The following MYCL variants were observed in gnomAD, a reference collection of about 807,000 sequenced individuals.
MYCL encodes the protein MYCL proto-oncogene, bHLH transcription factor.
MYCL carries 11 observed loss-of-function variants against 31.0 expected under a neutral mutation model. The ratio of observed to expected loss-of-function variants is 0.35; its 90% CI spans 0.22 to 0.59. MYCL has a LOEUF of 0.59. Among genes scored for constraint, MYCL ranks in the 20% least tolerant of loss-of-function variants. MYCL has a pLI of 0.79. For synonymous variants in MYCL, 208 were observed against 202.4 expected (o/e 1.03, Z -0.23); for missense variants, 427 against 486.1 (o/e 0.88, Z 1.14).
At chr1:39,898,018 ACAAAC>A in intron 1 of MYCL, 48 bp from the exon 2 acceptor site, 2 of 1,577,276 alleles carry the variant, frequency 1.3e-6, no homozygotes, top group Non-Finnish European at 1.7e-6. Flanking sequence ...CATGAGAAAC[ACAAAC>A]ATAGACCCTA....
At chr1:39,900,770 A>AC in intron 1 of MYCL, 169 bp downstream of exon 1, 4 of 1,427,896 alleles carry the variant, frequency 2.8e-6, no homozygotes, top group Non-Finnish European at 3.7e-6. Context: ...TTACCAACAC[A>AC]CCCACGTGCC....
chr1:39,900,507 G>A (rs1210414031), intron 1 of MYCL: 3 of 1,080,096 alleles, frequency 2.8e-6, no homozygotes, highest in African/African-American at 3.3e-5. Flanking sequence ...TTAAAAGGAC[G>A]AAGGTTTTGG....
At position 39,901,141 on chromosome 1, in the gene MYCL, G is replaced by A. The variant is rs2124720169; in HGVS notation, c.294C>T (p.Gly98=). The A allele has an allele frequency of 6.2e-7, 1 of 1,611,284 alleles. No homozygotes were observed. The highest frequency in any genetic ancestry group is 8.5e-7 in the Non-Finnish European group (1 of 1,178,940). The change falls in exon 1 of 2, where the codon GGC becomes GGT. Residue 98 remains glycine, a synonymous_variant. Coordinates refer to ENST00000372816, the MANE Select transcript of MYCL (RefSeq NM_001033081.3). This position sits in a 1 kb window ranked among gnomAD's most constrained non-coding sequence, Gnocchi z 6.9. ...SIIRRDCMWS[G]FSARERLERA... is the part of the protein sequence containing the mutation. ...TCTCCAGCCGTTCCCGGGCCGAGAA[G>A]CCGCTCCACATGCAGTCACGGCGTA...
In MYCL at chr1:39,897,948, CACA is replaced by C. The variant is rs748106151; in HGVS notation, c.516_518del (p.Val173del). On this transcript the variant is annotated inframe_deletion, in exon 2 of 2. Transcript: ENST00000372816. This position sits in a 1 kb window ranked among gnomAD's most constrained non-coding sequence, Gnocchi z 4.3. ...CCAGAGACTGCCTCTTCTCTACTGT[CACA>C]ACATCAATTTCTTCATTCTCTGTCC... The C allele has an allele frequency of 4.5e-5, 72 of 1,613,038 alleles. No homozygotes were observed. The highest frequency in any genetic ancestry group is 5.8e-5 in the Non-Finnish European group (68 of 1,179,440).
intron 1 of MYCL, chr1:39,899,907 C>T: frequency 2.0e-6 from 2 of 985,414 alleles, no homozygotes; most frequent in Non-Finnish European, 2.4e-6. Context: ...CTACACTCTA[C>T]AAAAATACCC....
rs941858154 is a variant in MYCL, at chr1:39,896,166, A to C, written c.*1206T>G. On this transcript the variant is annotated 3_prime_UTR_variant, in exon 2 of 2. Transcript: ENST00000372816. ...GCATATCTCCTGGAGGCTCCTTTAA[A>C]ACCCACCAGAAGCAAGTCCACCTTC... The C allele has an allele frequency of 5.4e-5, 11 of 205,588 alleles. No individual in the cohort carries two copies. Among genetic ancestry groups the C allele is most frequent in the African/African-American group, 1.8e-4 (8 of 43,742 alleles). 12.7% of individuals were successfully genotyped at this position (205,588 alleles called of 1,614,324 possible).
At chr1:39,900,759 T>C (rs1481853231) in intron 1 of MYCL, 180 bp downstream of exon 1, 19 of 1,424,142 alleles carry the variant, frequency 1.3e-5, no homozygotes, top group Non-Finnish European at 1.7e-5. Flanking sequence ...TTCCAAACTG[T>C]TTACCAACAC....
intron 1 of MYCL, among the ~76,000 whole-genome samples, chr1:39,899,316 C>T (rs3117087): frequency 0.044 from 6,645 of 152,300 alleles, 198 homozygotes; most frequent in South Asian, 0.1. Context: ...CAGCAGGCTT[C>T]CCTACATCCC....
rs1644475231 is a variant in MYCL, at chr1:39,895,631, A to G, written c.*1741T>C. ...CTTTGCAAAAGGCATACAAAAATAC[A>G]ATATAAAAAAAAAAGACTCCCCCAG... On this transcript the variant is annotated 3_prime_UTR_variant, in exon 2 of 2. Transcript: ENST00000372816. 1 of 226,230 alleles carries G rather than the reference A, an allele frequency of 4.4e-6. No homozygotes were observed. Among genetic ancestry groups the G allele is most frequent in the African/African-American group, 2.2e-5 (1 of 44,902 alleles). 14.0% of individuals were successfully genotyped at this position (226,230 alleles called of 1,614,324 possible).
At position 39,901,118 on chromosome 1, in the gene MYCL, T is replaced by C; in HGVS notation, c.317A>G (p.Glu106Gly). 1 of 1,601,888 alleles carries C rather than the reference T, an allele frequency of 6.2e-7. No homozygotes were observed. Residue 106 changes from glutamate to glycine, a missense_variant, in exon 1 of 2, where the codon GAG becomes GGG. Coordinates refer to ENST00000372816, the MANE Select transcript of MYCL (RefSeq NM_001033081.3). The surrounding 1 kb of genome is among the most constrained non-coding windows in gnomAD (Gnocchi z 6.9). ...AGCGAGCCGGTCGCTCACAGCTCTC[T>C]CCAGCCGTTCCCGGGCCGAGAAGCC... ...WSGFSARERL[E>G]RAVSDRLAPG...
chr1:39,898,809 G>T, intron 1 of MYCL: 1 of 985,476 alleles, frequency 1.0e-6, no homozygotes, highest in Non-Finnish European at 1.2e-6. Flanking sequence ...CCAGAGACCT[G>T]GAGACACCTG....
intron 1 of MYCL, chr1:39,898,706 AACTTC>A: frequency 1.7e-5 from 17 of 985,472 alleles, no homozygotes; most frequent in Non-Finnish European, 2.0e-5. Flanking sequence ...AAGCTGCAGG[AACTTC>A]ACAAAGGTAC....
In MYCL at chr1:39,901,783, G is replaced by C. The variant is rs776728741; in HGVS notation, c.-349C>G. The C allele has an allele frequency of 2.9e-4, 368 of 1,268,008 alleles. No homozygotes were observed. Among genetic ancestry groups the C allele is most frequent in the Admixed American group, 5.6e-4 (17 of 30,330 alleles). 78.5% of individuals were successfully genotyped at this position (1,268,008 alleles called of 1,614,324 possible). A position where few individuals can be genotyped will look rare whatever the true frequency, so the allele number is the denominator to read the frequency against. ...AGCCCGCACCGCGGGACCCGCGCCC[G>C]TGCCCTGGCCACCCGCAGCCTCACC... On this transcript the variant is annotated 5_prime_UTR_variant, in exon 1 of 2. Transcript: ENST00000372816. The surrounding 1 kb of genome is among the most constrained non-coding windows in gnomAD (Gnocchi z 6.9).
rs1418749015 is a variant in MYCL, at chr1:39,896,192, T to C, written c.*1180A>G. On this transcript the variant is annotated 3_prime_UTR_variant, in exon 2 of 2. Coordinates refer to ENST00000372816, the MANE Select transcript of MYCL (RefSeq NM_001033081.3). ...ACCCACCAGAAGCAAGTCCACCTTC[T>C]GGAGCACTGGATGAGTCCCAACAGC... is the stretch of plus-strand genomic sequence containing the variant. The C allele has an allele frequency of 4.9e-6, 1 of 203,182 alleles. No individual in the cohort carries two copies. The highest frequency in any genetic ancestry group is 7.6e-5 in the East Asian group (1 of 13,242). 12.6% of individuals were successfully genotyped at this position (203,182 alleles called of 1,614,324 possible).
chr1:39,901,692 GCGCAGCT>G lies in MYCL; in HGVS notation c.-265_-259del, dbSNP rs1644542273. Reference sequence around the variant, plus strand: ...GCAAACTTTGCCAGCGCCGCCCGGAGCGCAGCTCCCAGGGCCCGGCGGGGCCGGGCGG... The same window carrying G: ...GCAAACTTTGCCAGCGCCGCCCGGAGCCCAGGGCCCGGCGGGGCCGGGCGG... On this transcript the variant is annotated 5_prime_UTR_variant, in exon 1 of 2. The change creates a premature stop within an existing upstream ORF in the 5' untranslated region. Coordinates refer to ENST00000372816, the MANE Select transcript of MYCL (RefSeq NM_001033081.3). The surrounding 1 kb of genome is among the most constrained non-coding windows in gnomAD (Gnocchi z 6.9). 13 of 1,261,990 alleles carry G rather than the reference GCGCAGCT, an allele frequency of 1.0e-5. No individual in the cohort carries two copies. Among genetic ancestry groups the G allele is most frequent in the South Asian group, 2.8e-5 (1 of 36,308 alleles). The allele number at this position is 1,261,990 out of a possible 1,614,324, so 78.2% of individuals were successfully genotyped here. A position where few individuals can be genotyped will look rare whatever the true frequency, so the allele number is the denominator to read the frequency against.
intron 1 of MYCL, chr1:39,900,065 A>T (rs937310363): frequency 8.1e-6 from 8 of 985,324 alleles, no homozygotes; most frequent in Non-Finnish European, 9.6e-6. Flanking sequence ...TACTGCCTTG[A>T]CCCCAGCATG....
In MYCL at chr1:39,898,072, A is replaced by T. The variant is rs55783562; in HGVS notation, c.497-102T>A. 1.0e-3 allele frequency: 1,554 copies of T among 1,491,096 alleles called. 11 individuals carry two copies. The African/African-American group carries it at 0.019, about 18-fold the overall frequency. 92.4% of individuals were successfully genotyped at this position (1,491,096 alleles called of 1,614,324 possible). A position where few individuals can be genotyped will look rare whatever the true frequency, so the allele number is the denominator to read the frequency against. On this transcript the variant is annotated intron_variant, in intron 1 of 1. Transcript: ENST00000372816. ...CTACGCTGGTGCTTGGGAAGGTAGG[A>T]GACATTTTTCCAATTTAGATATATA...
In MYCL at chr1:39,901,512, C is replaced by A. The variant is rs1048577127; in HGVS notation, c.-78G>T. 1.2e-5 allele frequency: 18 copies of A among 1,537,386 alleles called. No homozygotes were observed. The African/African-American group carries it at 2.5e-4, about 21-fold the overall frequency. On this transcript the variant is annotated 5_prime_UTR_variant, in exon 1 of 2. Coordinates refer to ENST00000372816, the MANE Select transcript of MYCL (RefSeq NM_001033081.3). The surrounding 1 kb of genome is among the most constrained non-coding windows in gnomAD (Gnocchi z 6.9). ...GCGAAGGAGGTGTCCCCGGGTCCCTCGGCACAGTCGGCTGCCGGGCTCTCG... is the reference window on the plus strand; with the variant it reads ...GCGAAGGAGGTGTCCCCGGGTCCCTAGGCACAGTCGGCTGCCGGGCTCTCG...
rs1644474612 is a variant in MYCL at position 39,895,543 on chromosome 1, A to G, written c.*1829T>C. 1 of 227,606 alleles carries G rather than the reference A, an allele frequency of 4.4e-6. No individual in the cohort carries two copies. Among genetic ancestry groups the G allele is most frequent in the Non-Finnish European group, 8.7e-6 (1 of 114,590 alleles). 14.1% of individuals were successfully genotyped at this position (227,606 alleles called of 1,614,324 possible). A position where few individuals can be genotyped will look rare whatever the true frequency, so the allele number is the denominator to read the frequency against. On this transcript the variant is annotated 3_prime_UTR_variant, in exon 2 of 2. Transcript: ENST00000372816. ...GTGAACTTGCCTTTCAAAATAAATC[A>G]GACCCTTGCAACAGGAAATTGCCCC...
Sources: gnomAD v4.1 joint callset for allele counts (sites outside exome capture counted in the v4.1 genomes callset) on GRCh38, gnomAD v4.1.1 for gene constraint, Gnocchi (gnomAD v3.1) non-coding constraint, MANE v1.5 for transcripts, NCBI Gene and HGNC (gene_info 2026-07-23, HGNC 2026-07-21) for gene names.